Variants in DBN1 observed in about 807,000 individuals in gnomAD.
The protein encoded by DBN1 is drebrin 1.
In DBN1, 21 loss-of-function variants were observed where a neutral mutation model predicts 83.5. The observed-to-expected ratio is 0.25, with a 90% CI of 0.18 to 0.36. DBN1 has a LOEUF of 0.36. Ranked by LOEUF, DBN1 falls within the 10% of genes least tolerant of loss-of-function variation. The pLI is 1.00. For synonymous variants in DBN1, 381 were observed against 384.9 expected (o/e 0.99, Z 0.12); for missense variants, 874 against 935.7 (o/e 0.93, Z 0.86).
At chr5:177,469,595 G>C (rs141401403) in intron 1 of DBN1, among the ~76,000 whole-genome samples, 2 of 152,342 alleles carry the variant, frequency 1.3e-5, no homozygotes, top group African/African-American at 4.8e-5. Flanking sequence ...CTCAGTCCTG[G>C]CTGAGGCTTC....
chr5:177,468,816 G>A (rs446104), intron 2 of DBN1, 28 bp downstream of exon 2: 1,272,921 of 1,314,864 alleles, frequency 0.97, 618,046 homozygotes, highest in East Asian at 1. Context: ...GGTGGAGAAG[G>A]CGGCGAGGGA....
At position 177,467,940 on chromosome 5, in the gene DBN1, CG is replaced by C; in HGVS notation, c.256-124del. The C allele has an allele frequency of 7.2e-7, 1 of 1,387,562 alleles. No homozygotes were observed. Among genetic ancestry groups the C allele is most frequent in the Non-Finnish European group, 1.0e-6 (1 of 985,754 alleles). 86.0% of individuals were successfully genotyped at this position (1,387,562 alleles called of 1,614,324 possible). A position where few individuals can be genotyped will look rare whatever the true frequency, so the allele number is the denominator to read the frequency against. The stretch of plus-strand genomic sequence containing the variant: ...CTCTCCACGGGTGTCAGAGGGCCGA[CG>C]GGGAGGGCGACTGCTCTGGGCCTTC... On this transcript the variant is annotated intron_variant, in intron 3 of 14. Coordinates refer to ENST00000393565, the MANE Select transcript of DBN1 (RefSeq NM_001363541.2). The surrounding 1 kb of genome is among the most constrained non-coding windows in gnomAD (Gnocchi z 9.1).
Position 177,459,170 on chromosome 5 carries a change from T to A in DBN1, c.1192A>T (p.Ile398Leu), listed in dbSNP as rs1310114725. 6.2e-7 allele frequency: 1 copy of A among 1,610,944 alleles called. No homozygotes were observed. The highest frequency in any genetic ancestry group is 1.3e-5 in the African/African-American group (1 of 74,634). ...STASTPVAEQ[I>L]ERALDEVTSS... ...GTGACCTCATCCAGGGCCCGCTCTA[T>A]CTGCTCAGCGACAGGGGTGGAGGCG... The change falls in exon 12 of 15, where the codon ATA becomes TTA. Residue 398 changes from isoleucine (I) to leucine (L), a missense_variant. By Grantham distance (5) the Ile-to-Leu change is conservative. This residue lies in a region of DBN1 where 725 missense variants were observed against 719.7 expected (regional missense o/e 1.01). Transcript: ENST00000393565.
chr5:177,469,822 G>A (rs535502386), intron 1 of DBN1, among the ~76,000 whole-genome samples: 4 of 152,328 alleles, frequency 2.6e-5, no homozygotes, highest in African/African-American at 4.8e-5. Context: ...GGAGAGCCGG[G>A]GCCTAGGAGG....
chr5:177,460,336 T>TG, intron 10 of DBN1, 96 bp downstream of exon 10: 1 of 1,570,872 alleles, frequency 6.4e-7, no homozygotes, highest in East Asian at 2.2e-5. Context: ...CTCCAAGGGT[T>TG]GCTTGGGCAA....
At position 177,466,868 on chromosome 5, in the gene DBN1, T is replaced by C. The variant is rs750685439; in HGVS notation, c.708-33A>G. The C allele has an allele frequency of 4.3e-6, 7 of 1,613,650 alleles. No individual in the cohort carries two copies. Among genetic ancestry groups the C allele is most frequent in the Non-Finnish European group, 5.1e-6 (6 of 1,179,846 alleles). On this transcript the variant is annotated intron_variant, in intron 7 of 14. Coordinates refer to ENST00000393565, the MANE Select transcript of DBN1 (RefSeq NM_001363541.2). This position sits in a 1 kb window ranked among gnomAD's most constrained non-coding sequence, Gnocchi z 4.8. ...GATAAGCAGCCAGCACCCGTCAGGG[T>C]GCGCCCGGGGGCCCCTGGAGCGCTC... is the stretch of plus-strand genomic sequence containing the variant.
At chr5:177,469,819 C>T (rs1044255281) in intron 1 of DBN1, among the ~76,000 whole-genome samples, 8 of 152,316 alleles carry the variant, frequency 5.3e-5, no homozygotes, top group Non-Finnish European at 8.8e-5. Flanking sequence ...GGAGGAGAGC[C>T]GGGGCCTAGG....
chr5:177,470,419 C>T (rs1408967234), intron 1 of DBN1, among the ~76,000 whole-genome samples: 2 of 152,148 alleles, frequency 1.3e-5, no homozygotes, highest in Non-Finnish European at 2.9e-5. Flanking sequence ...CTAGGCTCCC[C>T]GGGGTGCCTT....
At chr5:177,460,321 GC>G in intron 10 of DBN1, 110 bp downstream of exon 10, 2 of 1,506,172 alleles carry the variant, frequency 1.3e-6, no homozygotes, top group Non-Finnish European at 1.8e-6. Flanking sequence ...GAAGGGTCTC[GC>G]CTTCTCCAAG....
chr5:177,467,791 G>A lies in DBN1; in HGVS notation c.282C>T (p.Arg94=), dbSNP rs757133069. Residue 94 remains arginine, a synonymous_variant, in exon 4 of 15, where the codon CGC becomes CGT. Coordinates refer to ENST00000393565, the MANE Select transcript of DBN1 (RefSeq NM_001363541.2). The surrounding 1 kb of genome is among the most constrained non-coding windows in gnomAD (Gnocchi z 9.1). ...NWVGEDVPDA[R]KCACASHVAK... Reference sequence around the variant, plus strand: ...CCACGTGGCTGGCACAAGCGCACTTGCGGGCATCAGGCACATCTTCGCCCA... The same window carrying A: ...CCACGTGGCTGGCACAAGCGCACTTACGGGCATCAGGCACATCTTCGCCCA... 6.4e-6 allele frequency: 10 copies of A among 1,557,824 alleles called. No homozygotes were observed. Among genetic ancestry groups the A allele is most frequent in the Non-Finnish European group, 8.7e-6 (10 of 1,150,998 alleles).
chr5:177,472,436 G>C (rs1226739223), intron 1 of DBN1: 8 of 1,369,134 alleles, frequency 5.8e-6, no homozygotes, highest in Non-Finnish European at 7.5e-6. Flanking sequence ...AAGGATTCCA[G>C]GATGGGGCTG....
rs1757450162 is a variant in DBN1, at chr5:177,466,507, G to A, written c.771+265C>T. Among the ~76,000 whole-genome samples, 2 of 152,206 alleles carry A rather than the reference G, an allele frequency of 1.3e-5. No individual in the cohort carries two copies. The highest frequency in any genetic ancestry group is 2.9e-5 in the Non-Finnish European group (2 of 68,034). On this transcript the variant is annotated intron_variant, in intron 8 of 14. Coordinates refer to ENST00000393565, the MANE Select transcript of DBN1 (RefSeq NM_001363541.2). The surrounding 1 kb of genome is among the most constrained non-coding windows in gnomAD (Gnocchi z 4.8). ...CCCAGGGCAGGGGAGGGGGAGCCTGGTCAGTGAGGGTCTGGGTCTAGATGG... is the reference window on the plus strand; with the variant it reads ...CCCAGGGCAGGGGAGGGGGAGCCTGATCAGTGAGGGTCTGGGTCTAGATGG...
rs1402680429 is a variant in DBN1 at position 177,459,733 on chromosome 5, C to G, written c.963G>C (p.Pro321=). 1 of 1,522,616 alleles carries G rather than the reference C, an allele frequency of 6.6e-7. No homozygotes were observed. The highest frequency in any genetic ancestry group is 1.3e-5 in the South Asian group (1 of 79,264). 94.3% of individuals were successfully genotyped at this position (1,522,616 alleles called of 1,614,324 possible). A position where few individuals can be genotyped will look rare whatever the true frequency, so the allele number is the denominator to read the frequency against. ...PSPFNHRPGR[P]YCPFIKASDS... is the part of the protein sequence containing the mutation. ...CCGATGCCTTTATGAAAGGGCAGTA[C>G]GGACGACCTGCCGAGAGAGACAGAC... Residue 321 remains proline, a synonymous_variant, in exon 11 of 15, where the codon CCG becomes CCC. Coordinates refer to ENST00000393565, the MANE Select transcript of DBN1 (RefSeq NM_001363541.2).
At chr5:177,459,463 C>G in intron 11 of DBN1, 140 bp downstream of exon 11, 2 of 1,331,814 alleles carry the variant, frequency 1.5e-6, no homozygotes, top group Non-Finnish European at 2.0e-6. Context: ...CCCATAAGGC[C>G]AGGGGCAAGA....
rs757763184 is a variant in DBN1, at chr5:177,467,221, G to T, written c.555+34C>A. The T allele has an allele frequency of 2.1e-5, 34 of 1,613,084 alleles. 1 individual carries two copies. In the South Asian group the frequency reaches 3.7e-4, roughly 18 times the overall value. ...ACCTGCCCCATGGGGTCCATGAGGG[G>T]TGGCTCAGCCAGGCCGGGCTCAGGG... On this transcript the variant is annotated intron_variant, in intron 6 of 14. Transcript: ENST00000393565. This position sits in a 1 kb window ranked among gnomAD's most constrained non-coding sequence, Gnocchi z 9.1.
intron 8 of DBN1, among the ~76,000 whole-genome samples, chr5:177,462,074 G>A (rs976380297): frequency 3.4e-5 from 5 of 145,118 alleles, no homozygotes; most frequent in Non-Finnish European, 7.5e-5. Context: ...GCTCACCCCC[G>A]GCCCCACCAT....
chr5:177,473,323 C>T (rs1757984585), intron 1 of DBN1, 113 bp downstream of exon 1: 2 of 569,952 alleles, frequency 3.5e-6, no homozygotes, highest in Non-Finnish European at 5.4e-6. Context: ...GCCCGCTGCA[C>T]CATTTCGGGG....
chr5:177,466,403 T>G lies in DBN1; in HGVS notation c.771+369A>C, dbSNP rs1425288124. Among the ~76,000 whole-genome samples the G allele has an allele frequency of 6.6e-6, 1 of 152,180 alleles. No homozygotes were observed. Among genetic ancestry groups the G allele is most frequent in the African/African-American group, 2.4e-5 (1 of 41,440 alleles). On this transcript the variant is annotated intron_variant, in intron 8 of 14. Transcript: ENST00000393565. This position sits in a 1 kb window ranked among gnomAD's most constrained non-coding sequence, Gnocchi z 4.8. ...CACACTGCCTGCAGATGCTCAGCAC[T>G]GGCCCAGGCTCACCCATGCCGCCTG...
Position 177,472,136 on chromosome 5 carries a change from T to C in DBN1, c.86+1300A>G, listed in dbSNP as rs1168904316. ...TGACTGACCTGCAGGACACGAGAGC[T>C]TGTCTCTCGCGTCCATCCCTCCAGG... On this transcript the variant is annotated intron_variant, in intron 1 of 14. Coordinates refer to ENST00000393565, the MANE Select transcript of DBN1 (RefSeq NM_001363541.2). The C allele has an allele frequency of 1.9e-6, 3 of 1,611,410 alleles. No homozygotes were observed. In the Admixed American group the frequency reaches 5.0e-5, roughly 27 times the overall value.
Sources: allele counts gnomAD v4.1 joint callset (sites outside exome capture counted in the v4.1 genomes callset), GRCh38; gene constraint gnomAD v4.1.1; regional missense constraint gnomAD v4.1.1; non-coding constraint Gnocchi (gnomAD v3.1); transcripts MANE v1.5; gene names NCBI Gene and HGNC (gene_info 2026-07-23, HGNC 2026-07-21).